Variants in PHKA2 observed in about 807,000 individuals in gnomAD.
PHKA2 encodes the protein phosphorylase kinase regulatory subunit alpha 2.
A neutral mutation model predicts 102.0 loss-of-function variants in PHKA2; 31 were observed. The observed-to-expected ratio is 0.30, with a 90% CI of 0.23 to 0.41. The LOEUF (loss-of-function observed/expected upper bound fraction) is 0.41, where lower values mean the gene tolerates loss of function less well. Among genes scored for constraint, PHKA2 ranks in the 10% least tolerant of loss-of-function variants. PHKA2 has a pLI of 1.00. For synonymous variants in PHKA2, 455 were observed against 416.2 expected, an observed-to-expected ratio of 1.09 and a Z score of -1.13; for missense variants, 858 against 1,023.1, an observed-to-expected ratio of 0.84 and a Z score of 2.20.
At position 18,907,169 on chromosome X, in the gene PHKA2, G is replaced by T. The variant is rs775802203; in HGVS notation, c.2518-72C>A. The T allele has an allele frequency of 4.1e-6, 3 of 739,121 alleles. No homozygotes were observed. The African/African-American group carries it at 6.3e-5, about 15-fold the overall frequency. The allele number at this position is 739,121 out of a possible 1,213,427, so 60.9% of individuals were successfully genotyped here. A position where few individuals can be genotyped will look rare whatever the true frequency, so the allele number is the denominator to read the frequency against. ...CTGGCAAAGACGACAGACAGGCAGT[G>T]GGGAGGAGACACTGCCAATCAGATC... On this transcript the variant is annotated intron_variant, in intron 22 of 32. Transcript: ENST00000379942.
At chrX:18,930,077 T>C (rs2048287019) in intron 12 of PHKA2, among the ~76,000 whole-genome samples, 1 of 112,586 alleles carries the variant, frequency 8.9e-6, no homozygotes, top group Admixed American at 9.4e-5. Flanking sequence ...CCATATTTTG[T>C]TGAAACTATG....
At chrX:18,929,440 G>T in intron 12 of PHKA2, 134 bp from the exon 13 acceptor site, 1 of 510,999 alleles carries the variant, frequency 2.0e-6, no homozygotes, top group Non-Finnish European at 3.5e-6. Flanking sequence ...CGAGTCAATT[G>T]CTTATTTTCT....
chrX:18,904,379 C>T (rs1182527295), intron 26 of PHKA2, among the ~76,000 whole-genome samples: 1 of 112,522 alleles, frequency 8.9e-6, no homozygotes, highest in Non-Finnish European at 1.9e-5. Flanking sequence ...GGACAGCTAA[C>T]AAATGATGTT....
chrX:18,914,481 G>T (rs968806656), intron 19 of PHKA2, among the ~76,000 whole-genome samples: 2 of 111,510 alleles, frequency 1.8e-5, no homozygotes, highest in African/African-American at 6.5e-5. Context: ...AAGTCCCTGG[G>T]GCCTGCTGCA....
intron 1 of PHKA2, among the ~76,000 whole-genome samples, chrX:18,968,702 T>C (rs1198959922): frequency 9.3e-6 from 1 of 107,964 alleles, no homozygotes; most frequent in African/African-American, 3.6e-5. Context: ...ACATATTTCA[T>C]TATCCACATT....
chrX:18,923,296 C>A (rs1454999764), intron 17 of PHKA2, among the ~76,000 whole-genome samples: 1 of 111,110 alleles, frequency 9.0e-6, no homozygotes, highest in Non-Finnish European at 1.9e-5. Context: ...CTGCCTCAGC[C>A]TCCCAAAGTG....
intron 7 of PHKA2, among the ~76,000 whole-genome samples, chrX:18,942,847 T>TA (rs78129657): frequency 0.082 from 7,039 of 85,655 alleles, 758 homozygotes; most frequent in African/African-American, 0.27. Flanking sequence ...GACCTCCTCT[T>TA]AAAAAAAAAA....
chrX:18,909,256 AAG>A (rs1166237813), intron 20 of PHKA2, among the ~76,000 whole-genome samples: 6 of 112,088 alleles, frequency 5.4e-5, no homozygotes, highest in Non-Finnish European at 1.1e-4. Flanking sequence ...GAAAAGGAGA[AAG>A]AGATGGGAGG....
At chrX:18,913,979 G>A (rs925484708) in intron 19 of PHKA2, among the ~76,000 whole-genome samples, 1 of 112,127 alleles carries the variant, frequency 8.9e-6, no homozygotes, top group African/African-American at 3.2e-5. Context: ...CACAGTTAAC[G>A]TTTTTTAATA....
rs763095964 is a variant in PHKA2 at position 18,931,722 on chromosome X, G to A, written c.1164C>T (p.His388=). 2.3e-5 allele frequency: 27 copies of A among 1,195,467 alleles called. 1 individual carries two copies. The South Asian group carries it at 3.7e-4, about 16-fold the overall frequency. ...NKVDEEYKNP[H]TVDRVPMGKV... ...TCCCCATAGGAACTCGGTCTACTGT[G>A]TGAGGATTCTTGTACTCTTCATCTA... is the stretch of plus-strand genomic sequence containing the variant. The change falls in exon 12 of 33, where the codon CAC becomes CAT. Residue 388 remains histidine, a synonymous_variant. Coordinates refer to ENST00000379942, the MANE Select transcript of PHKA2 (RefSeq NM_000292.3).
chrX:18,947,704 G>A (rs1454543753), intron 5 of PHKA2, among the ~76,000 whole-genome samples: 1 of 112,627 alleles, frequency 8.9e-6, no homozygotes, highest in Non-Finnish European at 1.9e-5. Context: ...ACTTGCACAT[G>A]CATGTTTATA....
At chrX:18,930,513 C>T (rs962855369) in intron 12 of PHKA2, among the ~76,000 whole-genome samples, 4 of 110,804 alleles carry the variant, frequency 3.6e-5, no homozygotes, top group African/African-American at 1.3e-4. Context: ...GGGAGTTACT[C>T]GTTTCCCATC....
intron 1 of PHKA2, among the ~76,000 whole-genome samples, chrX:18,954,729 A>G (rs976208476): frequency 1.8e-5 from 2 of 112,937 alleles, no homozygotes; most frequent in Non-Finnish European, 3.7e-5. Flanking sequence ...GCAAACAGGA[A>G]AAGACTGCAA....
chrX:18,893,224 T>A lies in PHKA2; in HGVS notation c.*261A>T. 2.4e-6 allele frequency: 1 copy of A among 416,074 alleles called. No individual in the cohort carries two copies. Among genetic ancestry groups the A allele is most frequent in the South Asian group, 3.4e-5 (1 of 29,177 alleles). 34.3% of individuals were successfully genotyped at this position (416,074 alleles called of 1,213,427 possible). A position where few individuals can be genotyped will look rare whatever the true frequency, so the allele number is the denominator to read the frequency against. On this transcript the variant is annotated 3_prime_UTR_variant, in exon 33 of 33. Coordinates refer to ENST00000379942, the MANE Select transcript of PHKA2 (RefSeq NM_000292.3). ...CCTCAGAGTCCGTGAGACCAGATGCTACAGCAAATGTTCCAGAGAAATGAA... is the reference window on the plus strand; with the variant it reads ...CCTCAGAGTCCGTGAGACCAGATGCAACAGCAAATGTTCCAGAGAAATGAA...
At chrX:18,950,180 A>G (rs1047467910) in intron 4 of PHKA2, among the ~76,000 whole-genome samples, 19 of 111,708 alleles carry the variant, frequency 1.7e-4, no homozygotes, top group African/African-American at 5.2e-4. Context: ...CTGTGAGCCT[A>G]CTCAGCCCGC....
In PHKA2 at chrX:18,907,043, C is replaced by T. The variant is rs767608589; in HGVS notation, c.2572G>A (p.Glu858Lys). Residue 858 changes from glutamate to lysine, a missense_variant, in exon 23 of 33, where the codon GAG (glutamate) becomes AAG (lysine). Transcript: ENST00000379942. ...GCAGAGATGATCTTCTCCCGGGGCT[C>T]GGGCGGCAGGCCCACGGTGAGCTGC... ...QKQLTVGLPP[E>K]PREKIISAPL... 3.3e-6 allele frequency: 4 copies of T among 1,195,172 alleles called. No individual in the cohort carries two copies. Among genetic ancestry groups the T allele is most frequent in the African/African-American group, 3.5e-5 (2 of 57,029 alleles).
chrX:18,924,950 A>G (rs1258422295), intron 15 of PHKA2, among the ~76,000 whole-genome samples: 2 of 112,346 alleles, frequency 1.8e-5, no homozygotes, highest in East Asian at 2.8e-4. Context: ...AATGTCAACT[A>G]AAGACACTGC....
At chrX:18,971,840 G>A (rs1024035487) in intron 1 of PHKA2, among the ~76,000 whole-genome samples, 1 of 112,715 alleles carries the variant, frequency 8.9e-6, no homozygotes, top group Admixed American at 9.4e-5. Context: ...CAGTCAAGAT[G>A]TTGGCCAGGG....
At position 18,929,305 on chromosome X, in the gene PHKA2, C is replaced by T. The variant is rs766198483; in HGVS notation, c.1247G>A (p.Gly416Glu). 2.6e-6 allele frequency: 3 copies of T among 1,141,186 alleles called. No homozygotes were observed. The highest frequency in any genetic ancestry group is 1.9e-5 in the South Asian group (1 of 52,451). The allele number at this position is 1,141,186 out of a possible 1,213,427, so 94.0% of individuals were successfully genotyped here. Residue 416 changes from glycine to glutamate, a missense_variant and splice_region_variant, in exon 13 of 33, where the codon GGA (glycine) becomes GAA (glutamate). Gly to Glu is a moderately conservative substitution (Grantham distance 98). Around this residue, in one of 2 missense-constraint regions of PHKA2, gnomAD observed 671 missense variants for 745.2 expected, o/e 0.90. Transcript: ENST00000379942. ...LYILSSLLAE[G>E]FLAAGEIDPL... ...ATCGATTTCACCAGCGGCAAGGAATCCCTATGAAAAGAGGAGCATTAACAC... is the reference window on the plus strand; with the variant it reads ...ATCGATTTCACCAGCGGCAAGGAATTCCTATGAAAAGAGGAGCATTAACAC...
Sources: gnomAD v4.1 joint callset for allele counts (sites outside exome capture counted in the v4.1 genomes callset) on GRCh38, gnomAD v4.1.1 for gene constraint, gnomAD v4.1.1 regional missense constraint, MANE v1.5 for transcripts, NCBI Gene and HGNC (gene_info 2026-07-23, HGNC 2026-07-21) for gene names.